EFEMP1: variants seen among roughly 807,000 people sequenced by gnomAD.
The protein encoded by EFEMP1 is EGF-containing fibulin-like extracellular matrix protein 1.
A neutral mutation model predicts 65.7 loss-of-function variants in EFEMP1; 18 were observed. The observed-to-expected ratio is 0.27, with a 90% CI of 0.19 to 0.41. EFEMP1 has a LOEUF of 0.41. Ranked by LOEUF, EFEMP1 falls within the 10% of genes least tolerant of loss-of-function variation. The pLI, the probability that EFEMP1 is intolerant of heterozygous loss-of-function variation, is 1.00. For synonymous variants in EFEMP1, 237 were observed against 219.7 expected (o/e 1.08, Z -0.70); for missense variants, 469 against 624.8 (o/e 0.75, Z 2.66).
chr2:55,905,963 T>C (rs1670249403), intron 5 of EFEMP1, among the ~76,000 whole-genome samples: 1 of 152,206 alleles, frequency 6.6e-6, no homozygotes, highest in Non-Finnish European at 1.5e-5. Flanking sequence ...AACTGAAAAA[T>C]CAATGAAAAT....
chr2:55,923,610 C>G lies in EFEMP1; in HGVS notation c.-49+101G>C. ...ACCCTGCACAGTCCAGGGCAGTTCTCGGGTACTCAACACCCCTCAGCTCAC... is the reference window on the plus strand; with the variant it reads ...ACCCTGCACAGTCCAGGGCAGTTCTGGGGTACTCAACACCCCTCAGCTCAC... On this transcript the variant is annotated intron_variant, in intron 1 of 11. Transcript: ENST00000355426. This position sits in a 1 kb window ranked among gnomAD's most constrained non-coding sequence, Gnocchi z 5.3. The G allele has an allele frequency of 1.0e-6, 1 of 985,616 alleles. No individual in the cohort carries two copies. Among genetic ancestry groups the G allele is most frequent in the Non-Finnish European group, 1.2e-6 (1 of 830,118 alleles). The allele number at this position is 985,616 out of a possible 1,614,324, so 61.1% of individuals were successfully genotyped here. A position where few individuals can be genotyped will look rare whatever the true frequency, so the allele number is the denominator to read the frequency against.
Position 55,923,645 on chromosome 2 carries a change from C to T in EFEMP1, c.-49+66G>A, listed in dbSNP as rs1670996635. On this transcript the variant is annotated intron_variant, in intron 1 of 11. Transcript: ENST00000355426. This position sits in a 1 kb window ranked among gnomAD's most constrained non-coding sequence, Gnocchi z 5.3. ...ACACCCCTCAGCTCACCCCACCTCACTCTCCCGCGCGCGGCCCAGTGAGTA... is the reference window on the plus strand; with the variant it reads ...ACACCCCTCAGCTCACCCCACCTCATTCTCCCGCGCGCGGCCCAGTGAGTA... The T allele has an allele frequency of 2.0e-6, 2 of 985,742 alleles. No homozygotes were observed. The highest frequency in any genetic ancestry group is 2.4e-6 in the Non-Finnish European group (2 of 830,214). The allele number at this position is 985,742 out of a possible 1,614,324, so 61.1% of individuals were successfully genotyped here.
In EFEMP1 at chr2:55,922,551, G is replaced by C; in HGVS notation, c.-7-104C>G. 2 of 1,040,408 alleles carry C rather than the reference G, an allele frequency of 1.9e-6. No homozygotes were observed. Among genetic ancestry groups the C allele is most frequent in the Non-Finnish European group, 3.0e-6 (2 of 676,460 alleles). The allele number at this position is 1,040,408 out of a possible 1,614,324, so 64.4% of individuals were successfully genotyped here. On this transcript the variant is annotated intron_variant, in intron 2 of 11. Transcript: ENST00000355426. The surrounding 1 kb of genome is among the most constrained non-coding windows in gnomAD (Gnocchi z 5.5). ...CGAGGAAAGGAGGGTGGGAGAGGCT[G>C]AGGCTCCACCATACTCAACTTCCAA...
chr2:55,894,714 T>C (rs1254367960), intron 5 of EFEMP1, among the ~76,000 whole-genome samples: 1 of 152,240 alleles, frequency 6.6e-6, no homozygotes, highest in Non-Finnish European at 1.5e-5. Context: ...CAAAATGACC[T>C]TCTTCAAATG....
At chr2:55,882,435 T>A (rs1207459834) in intron 5 of EFEMP1, among the ~76,000 whole-genome samples, 1 of 152,176 alleles carries the variant, frequency 6.6e-6, no homozygotes, top group Non-Finnish European at 1.5e-5. Flanking sequence ...TTGGAATAAT[T>A]TACTAAATGT....
chr2:55,905,064 G>T (rs1670199444), intron 5 of EFEMP1, among the ~76,000 whole-genome samples: 1 of 141,346 alleles, frequency 7.1e-6, no homozygotes, highest in South Asian at 2.3e-4. Context: ...CAAAACTTAG[G>T]ATCTCCAACT....
chr2:55,872,164 A>G (rs1281919158), intron 9 of EFEMP1, among the ~76,000 whole-genome samples: 1 of 152,120 alleles, frequency 6.6e-6, no homozygotes, highest in Admixed American at 6.6e-5. Flanking sequence ...ATTTTATTCA[A>G]TGTAAACTTT....
intron 5 of EFEMP1, among the ~76,000 whole-genome samples, chr2:55,916,018 C>G (rs146589015): frequency 1.6e-4 from 25 of 151,832 alleles, no homozygotes; most frequent in Admixed American, 6.5e-4. Context: ...GACACCATCA[C>G]AACATGGGTT....
At position 55,923,145 on chromosome 2, in the gene EFEMP1, G is replaced by A. The variant is rs1479851337; in HGVS notation, c.-48-206C>T. Among the ~76,000 whole-genome samples, 1 of 152,162 alleles carries A rather than the reference G, an allele frequency of 6.6e-6. No individual in the cohort carries two copies. The highest frequency in any genetic ancestry group is 1.5e-5 in the Non-Finnish European group (1 of 68,030). On this transcript the variant is annotated intron_variant, in intron 1 of 11. Coordinates refer to ENST00000355426, the MANE Select transcript of EFEMP1 (RefSeq NM_001039348.3). This position sits in a 1 kb window ranked among gnomAD's most constrained non-coding sequence, Gnocchi z 5.3. The stretch of plus-strand genomic sequence containing the variant: ...CGCACAGCTTTGTTTAAAAGTCCCA[G>A]GTTGTGTGGAGGGGCAGCCCAAAGC...
In EFEMP1 at chr2:55,918,068, A is replaced by G. The variant is rs769049299; in HGVS notation, c.131-17T>C. ...CATCAATATCTGTGGTCAGTAATAA[A>G]ATAAGTCAGGAATCTTCTAAGAGGG... is the stretch of plus-strand genomic sequence containing the variant. On this transcript the variant is annotated splice_polypyrimidine_tract_variant and intron_variant, in intron 4 of 11. Transcript: ENST00000355426. 6.2e-7 allele frequency: 1 copy of G among 1,614,096 alleles called. No individual in the cohort carries two copies. Among genetic ancestry groups the G allele is most frequent in the Non-Finnish European group, 8.5e-7 (1 of 1,180,048 alleles).
chr2:55,896,281 T>A (rs2104417068), intron 5 of EFEMP1, among the ~76,000 whole-genome samples: 1 of 152,358 alleles, frequency 6.6e-6, no homozygotes, highest in Admixed American at 6.5e-5. Context: ...AAAACGTGAA[T>A]GTGTAAAATT....
At chr2:55,891,020 T>C (rs1012941293) in intron 5 of EFEMP1, among the ~76,000 whole-genome samples, 4 of 152,006 alleles carry the variant, frequency 2.6e-5, no homozygotes, top group African/African-American at 9.7e-5. Flanking sequence ...TTTGTGTCAC[T>C]GGGGGTTGTT....
At chr2:55,899,422 A>G (rs1669951395) in intron 5 of EFEMP1, among the ~76,000 whole-genome samples, 1 of 152,372 alleles carries the variant, frequency 6.6e-6, no homozygotes, top group African/African-American at 2.4e-5. Flanking sequence ...AAATCATTAA[A>G]GATTGAACAA....
chr2:55,922,263 G>A lies in EFEMP1; in HGVS notation c.81+97C>T. On this transcript the variant is annotated intron_variant, in intron 3 of 11. Coordinates refer to ENST00000355426, the MANE Select transcript of EFEMP1 (RefSeq NM_001039348.3). The surrounding 1 kb of genome is among the most constrained non-coding windows in gnomAD (Gnocchi z 5.5). The stretch of plus-strand genomic sequence containing the variant: ...GTTGTTTAATTTATCACCCTCAGCA[G>A]AGTATAGCCCAAATACACTGGCAGG... The A allele has an allele frequency of 9.1e-7, 1 of 1,102,398 alleles. No individual in the cohort carries two copies. Among genetic ancestry groups the A allele is most frequent in the Non-Finnish European group, 1.4e-6 (1 of 718,910 alleles). 68.3% of individuals were successfully genotyped at this position (1,102,398 alleles called of 1,614,324 possible).
intron 8 of EFEMP1, among the ~76,000 whole-genome samples, chr2:55,876,365 T>G (rs1669035440): frequency 6.6e-6 from 1 of 152,158 alleles, no homozygotes; most frequent in Non-Finnish European, 1.5e-5. Context: ...GATAACACAC[T>G]GAGACGCAAC....
intron 6 of EFEMP1, among the ~76,000 whole-genome samples, chr2:55,880,773 C>G (rs1669209869): frequency 6.6e-6 from 1 of 152,182 alleles, no homozygotes; most frequent in African/African-American, 2.4e-5. Context: ...GCCCAGAGTA[C>G]TGTATTTTAC....
chr2:55,877,476 T>A lies in EFEMP1; in HGVS notation c.760+270A>T, dbSNP rs1258499023. Among the ~76,000 whole-genome samples, 1 of 152,188 alleles carries A rather than the reference T, an allele frequency of 6.6e-6. No individual in the cohort carries two copies. The highest frequency in any genetic ancestry group is 1.5e-5 in the Non-Finnish European group (1 of 68,032). On this transcript the variant is annotated intron_variant, in intron 7 of 11. Coordinates refer to ENST00000355426, the MANE Select transcript of EFEMP1 (RefSeq NM_001039348.3). The surrounding 1 kb of genome is among the most constrained non-coding windows in gnomAD (Gnocchi z 4.5). ...CAGCATTATATCACACACTGCTGAT[T>A]GACTGGTGTATGTATATCAATTGAT...
chr2:55,871,400 A>G lies in EFEMP1; in HGVS notation c.1001-277T>C, dbSNP rs943558886. ...ATTCAAACCCCAATGTTAACCACTG[A>G]CTCTGCCTATATAAAAGTTAAACAC... On this transcript the variant is annotated intron_variant, in intron 9 of 11. Transcript: ENST00000355426. The surrounding 1 kb of genome is among the most constrained non-coding windows in gnomAD (Gnocchi z 4.2). Among the ~76,000 whole-genome samples the G allele has an allele frequency of 6.6e-6, 1 of 152,134 alleles. No individual in the cohort carries two copies. The highest frequency in any genetic ancestry group is 1.5e-5 in the Non-Finnish European group (1 of 68,014).
At chr2:55,903,530 T>G (rs1483348881) in intron 5 of EFEMP1, among the ~76,000 whole-genome samples, 1 of 152,154 alleles carries the variant, frequency 6.6e-6, no homozygotes, top group African/African-American at 2.4e-5. Context: ...AACCCAGACC[T>G]ACCCAGAATC....
Sources: allele counts gnomAD v4.1 joint callset (sites outside exome capture counted in the v4.1 genomes callset), GRCh38; gene constraint gnomAD v4.1.1; non-coding constraint Gnocchi (gnomAD v3.1); transcripts MANE v1.5; gene names NCBI Gene and HGNC (gene_info 2026-07-23, HGNC 2026-07-21).